Variants in SGPP2 observed in about 807,000 individuals in gnomAD.
SGPP2 encodes sphingosine-1-phosphate phosphatase 2, also known as sphingosine 1-phosphate phosphohydrolase 2.
In SGPP2, 30 loss-of-function variants were observed where a neutral mutation model predicts 33.9. The observed-to-expected ratio is 0.89, with a 90% CI of 0.66 to 1.20. The LOEUF (loss-of-function observed/expected upper bound fraction) is 1.20, where lower values mean the gene tolerates loss of function less well. Among genes scored for constraint, SGPP2 ranks in the 50% most tolerant of loss-of-function variants. SGPP2 has a pLI of 0.00. For synonymous variants in SGPP2, 233 were observed against 225.0 expected (o/e 1.04, Z -0.32); for missense variants, 458 against 532.1 (o/e 0.86, Z 1.37).
At chr2:222,551,225 T>C (rs1452422020) in intron 4 of SGPP2, among the ~76,000 whole-genome samples, 1 of 152,258 alleles carries the variant, frequency 6.6e-6, no homozygotes. Context: ...CCCTATTTTT[T>C]CCCCTCTGTT....
rs1698407575 is a variant in SGPP2 at position 222,504,110 on chromosome 2, A to G, written c.379-17657A>G. 3 of 152,256 alleles carry G rather than the reference A, an allele frequency of 2.0e-5. No homozygotes were observed. The South Asian group carries it at 6.2e-4, about 32-fold the overall frequency. 9.4% of individuals were successfully genotyped at this position (152,256 alleles called of 1,614,324 possible). A position where few individuals can be genotyped will look rare whatever the true frequency, so the allele number is the denominator to read the frequency against. ...TTCATTGCCTCCTTGATGTCATTAT[A>G]TTTGGCACCTTTCTCCAGATGGCAA... On this transcript the variant is annotated intron_variant, in intron 2 of 4. Coordinates refer to ENST00000321276, the MANE Select transcript of SGPP2 (RefSeq NM_152386.4).
chr2:222,488,197 G>A (rs948115987), intron 2 of SGPP2, among the ~76,000 whole-genome samples: 8 of 152,190 alleles, frequency 5.3e-5, no homozygotes, highest in African/African-American at 1.2e-4. Flanking sequence ...GGGAGAGGAC[G>A]CAATCATTAA....
intron 1 of SGPP2, among the ~76,000 whole-genome samples, chr2:222,425,880 C>T (rs1280079267): frequency 2.0e-5 from 3 of 152,110 alleles, no homozygotes; most frequent in African/African-American, 7.2e-5. Flanking sequence ...CATTGGATTA[C>T]AGAATTTGTT....
chr2:222,548,794 A>G (rs975188030), intron 4 of SGPP2, among the ~76,000 whole-genome samples: 10 of 152,186 alleles, frequency 6.6e-5, no homozygotes, highest in African/African-American at 2.4e-4. Flanking sequence ...ATTTATATTC[A>G]TATTCATGAA....
chr2:222,485,544 C>T (rs569132583), intron 2 of SGPP2, among the ~76,000 whole-genome samples: 1 of 152,332 alleles, frequency 6.6e-6, no homozygotes, highest in Admixed American at 6.5e-5. Context: ...CCATGTTCTA[C>T]TTCCTTATCC....
chr2:222,427,558 G>A (rs1390645555), intron 1 of SGPP2, among the ~76,000 whole-genome samples: 1 of 151,990 alleles, frequency 6.6e-6, no homozygotes, highest in South Asian at 2.1e-4. Context: ...AATTATAGAC[G>A]TCAGTCACTG....
intron 1 of SGPP2, among the ~76,000 whole-genome samples, chr2:222,445,893 T>G (rs1161366736): frequency 6.6e-6 from 1 of 152,172 alleles, no homozygotes. Context: ...AGAGAAAGGC[T>G]ACAGTGGGCT....
intron 1 of SGPP2, among the ~76,000 whole-genome samples, chr2:222,456,141 A>G (rs1405833225): frequency 6.6e-6 from 1 of 152,244 alleles, no homozygotes; most frequent in Non-Finnish European, 1.5e-5. Context: ...CTGTGCAACC[A>G]TCACTATTAT....
chr2:222,540,375 T>G (rs1698973691), intron 4 of SGPP2, among the ~76,000 whole-genome samples: 1 of 152,248 alleles, frequency 6.6e-6, no homozygotes, highest in Non-Finnish European at 1.5e-5. Context: ...TGTTGGATTT[T>G]GGGCATTTCA....
intron 1 of SGPP2, among the ~76,000 whole-genome samples, chr2:222,446,722 A>G (rs993712443): frequency 1.3e-5 from 2 of 152,216 alleles, no homozygotes; most frequent in African/African-American, 4.8e-5. Context: ...TTTAATGTGG[A>G]TATCCTTATT....
At position 222,465,946 on chromosome 2, in the gene SGPP2, A is replaced by G. The variant is rs1697738744; in HGVS notation, c.220-8622A>G. Among the ~76,000 whole-genome samples the G allele has an allele frequency of 6.6e-6, 1 of 152,132 alleles. No homozygotes were observed. Among genetic ancestry groups the G allele is most frequent in the Non-Finnish European group, 1.5e-5 (1 of 68,034 alleles). On this transcript the variant is annotated intron_variant, in intron 1 of 4. Coordinates refer to ENST00000321276, the MANE Select transcript of SGPP2 (RefSeq NM_152386.4). The surrounding 1 kb of genome is among the most constrained non-coding windows in gnomAD (Gnocchi z 4.1). Reference sequence around the variant, plus strand: ...AAGCATCCCCAGACACACATTGATCACTTTGTAACCCATTTCCTGCTTTAA... The same window carrying G: ...AAGCATCCCCAGACACACATTGATCGCTTTGTAACCCATTTCCTGCTTTAA...
At chr2:222,478,167 G>A (rs1697976484) in intron 2 of SGPP2, among the ~76,000 whole-genome samples, 1 of 148,406 alleles carries the variant, frequency 6.7e-6, no homozygotes, top group Non-Finnish European at 1.5e-5. Context: ...GCCATTCCAA[G>A]GGGCGAGAGG....
rs3739001 is a variant in SGPP2 at position 222,521,749 on chromosome 2, A to G, written c.379-18A>G. The G allele has an allele frequency of 0.034, 54,295 of 1,592,736 alleles. 2,557 individuals are homozygous for G. Among genetic ancestry groups the G allele is most frequent in the African/African-American group, 0.22 (16,370 of 73,244 alleles). ...TTCCTTATTTGATTAGACTTACCTC[A>G]GTCCTTTGGTTTTGCAGTTGGTGAT... On this transcript the variant is annotated intron_variant, in intron 2 of 4. Transcript: ENST00000321276.
intron 1 of SGPP2, among the ~76,000 whole-genome samples, chr2:222,430,982 GA>G (rs147323688): frequency 1.3e-4 from 19 of 148,016 alleles, no homozygotes; most frequent in East Asian, 5.9e-4. Flanking sequence ...TCATGGAACA[GA>G]AAAAAAAAAT....
chr2:222,434,148 A>G (rs1290720703), intron 1 of SGPP2, among the ~76,000 whole-genome samples: 1 of 152,204 alleles, frequency 6.6e-6, no homozygotes, highest in Non-Finnish European at 1.5e-5. Flanking sequence ...TTAGGAATCT[A>G]TGAAAATACC....
intron 1 of SGPP2, among the ~76,000 whole-genome samples, chr2:222,441,434 A>C (rs1366762058): frequency 6.6e-6 from 1 of 152,272 alleles, no homozygotes; most frequent in Non-Finnish European, 1.5e-5. Flanking sequence ...ATATACATCT[A>C]GACATGGAAA....
intron 4 of SGPP2, among the ~76,000 whole-genome samples, chr2:222,551,900 T>C (rs917090506): frequency 1.3e-5 from 2 of 152,322 alleles, no homozygotes; most frequent in Middle Eastern, 3.4e-3. Context: ...GGAAAGGCAT[T>C]CCATTCTTAT....
At position 222,450,724 on chromosome 2, in the gene SGPP2, C is replaced by T. The variant is rs1697473012; in HGVS notation, c.220-23844C>T. The stretch of plus-strand genomic sequence containing the variant: ...GGTTCTACCTCGGATGCCACATCTT[C>T]CCTCCCACTCCCAGACCAAATCCTG... On this transcript the variant is annotated intron_variant, in intron 1 of 4. Transcript: ENST00000321276. 2.6e-5 allele frequency among the ~76,000 whole-genome samples: 4 copies of T among 152,172 alleles called. No homozygotes were observed. In the South Asian group the frequency reaches 8.3e-4, roughly 32 times the overall value.
chr2:222,551,748 A>C (rs1689298987), intron 4 of SGPP2, among the ~76,000 whole-genome samples: 1 of 152,238 alleles, frequency 6.6e-6, no homozygotes. Context: ...AACAGAATTC[A>C]TTTATAAAAA....
Sources: allele counts gnomAD v4.1 joint callset (sites outside exome capture counted in the v4.1 genomes callset), GRCh38; gene constraint gnomAD v4.1.1; non-coding constraint Gnocchi (gnomAD v3.1); transcripts MANE v1.5; gene names NCBI Gene and HGNC (gene_info 2026-07-23, HGNC 2026-07-21).